Variants in PTPRQ observed in about 807,000 individuals in gnomAD.
PTPRQ encodes phosphatidylinositol phosphatase PTPRQ.
A neutral mutation model predicts 246.0 loss-of-function variants in PTPRQ; 199 were observed. The observed-to-expected ratio is 0.81, with a 90% CI of 0.72 to 0.91. PTPRQ has a LOEUF of 0.91. Among genes scored for constraint, PTPRQ ranks in the 40% least tolerant of loss-of-function variants. PTPRQ has a pLI of 0.00. For missense variants in PTPRQ, 2,624 were observed against 2,528.4 expected (o/e 1.04, Z -0.81); for synonymous variants, 869 against 853.2 (o/e 1.02, Z -0.32).
At chr12:80,659,812 T>C (rs528765862) in intron 39 of PTPRQ, among the ~76,000 whole-genome samples, 1 of 152,166 alleles carries the variant, frequency 6.6e-6, no homozygotes, top group Non-Finnish European at 1.5e-5. Context: ...TGTAATGATA[T>C]GCATAATCAT....
chr12:80,560,646 CACAT>C (rs1181658769), intron 25 of PTPRQ, among the ~76,000 whole-genome samples: 1 of 152,146 alleles, frequency 6.6e-6, no homozygotes, highest in African/African-American at 2.4e-5. Context: ...GTTTAAGATA[CACAT>C]ACATACAACA....
intron 32 of PTPRQ, 43 bp downstream of exon 32, chr12:80,620,419 A>G: frequency 6.5e-7 from 1 of 1,542,262 alleles, no homozygotes; most frequent in Non-Finnish European, 8.7e-7. Flanking sequence ...TTAGCAAGCT[A>G]GTTAGTATCT....
chr12:80,571,840 G>A (rs1592669501), intron 25 of PTPRQ, among the ~76,000 whole-genome samples: 1 of 151,804 alleles, frequency 6.6e-6, no homozygotes, highest in Non-Finnish European at 1.5e-5. Flanking sequence ...CTATGTGCTT[G>A]AATTTATTTC....
At chr12:80,572,970 A>G (rs1041176371) in intron 25 of PTPRQ, among the ~76,000 whole-genome samples, 5 of 152,268 alleles carry the variant, frequency 3.3e-5, no homozygotes, top group East Asian at 1.9e-4. Flanking sequence ...TTCTTTTATT[A>G]TAACATTTTT....
intron 25 of PTPRQ, among the ~76,000 whole-genome samples, chr12:80,580,657 AT>A (rs1897405284): frequency 6.6e-6 from 1 of 152,156 alleles, no homozygotes; most frequent in Non-Finnish European, 1.5e-5. Flanking sequence ...TATACCATAT[AT>A]TTCACCTCAG....
Position 80,542,164 on chromosome 12 carries a change from C to G in PTPRQ, c.3521C>G (p.Pro1174Arg). 1 of 1,551,022 alleles carries G rather than the reference C, an allele frequency of 6.4e-7. No individual in the cohort carries two copies. Among genetic ancestry groups the G allele is most frequent in the Non-Finnish European group, 8.7e-7 (1 of 1,146,652 alleles). ...STSVLLSWDP[P>R]VKPNGAIISY... ...TCAGTTCTCTTATCATGGGATCCCC[C>G]AGTAAAGCCAAATGGTGCAATAATA... is the stretch of plus-strand genomic sequence containing the variant. The change falls in exon 22 of 45, where the codon CCA becomes CGA. Residue 1174 changes from proline to arginine, a missense_variant. By Grantham distance (103) the Pro-to-Arg change is moderately radical. Coordinates refer to ENST00000644991, the MANE Select transcript of PTPRQ (RefSeq NM_001145026.2).
At position 80,496,596 on chromosome 12, in the gene PTPRQ, C is replaced by T. The variant is rs142862117; in HGVS notation, c.2272+65C>T. On this transcript the variant is annotated intron_variant, in intron 14 of 44. Transcript: ENST00000644991. ...TGATATAGTAAGCAAAGCTGATAAT[C>T]GCCATGTTGTTTACATTTTACATAA... 1.8e-4 allele frequency: 264 copies of T among 1,473,230 alleles called. No homozygotes were observed. The Middle Eastern group carries it at 2.3e-3, about 13-fold the overall frequency. The allele number at this position is 1,473,230 out of a possible 1,614,324, so 91.3% of individuals were successfully genotyped here. A position where few individuals can be genotyped will look rare whatever the true frequency, so the allele number is the denominator to read the frequency against.
At chr12:80,536,208 T>C (rs1895984235) in intron 19 of PTPRQ, among the ~76,000 whole-genome samples, 1 of 152,262 alleles carries the variant, frequency 6.6e-6, no homozygotes, top group Non-Finnish European at 1.5e-5. Context: ...TCTTAGGTGA[T>C]TCTTAATTAT....
intron 8 of PTPRQ, among the ~76,000 whole-genome samples, chr12:80,480,537 A>T (rs4536294): frequency 0.89 from 125,676 of 141,048 alleles, 56,601 homozygotes; most frequent in Non-Finnish European, 0.93. Context: ...GCAGAACTGA[A>T]GGAAACAGAG....
chr12:80,525,987 A>T (rs529721637), intron 17 of PTPRQ: 1 of 152,160 alleles, frequency 6.6e-6, no homozygotes, highest in South Asian at 2.1e-4. Flanking sequence ...TGCCTGAAAC[A>T]CAGTAAGTAT....
intron 17 of PTPRQ, among the ~76,000 whole-genome samples, chr12:80,529,117 T>G (rs1895773409): frequency 6.6e-6 from 1 of 152,184 alleles, no homozygotes; most frequent in South Asian, 2.1e-4. Context: ...ATCACTAGCC[T>G]ACTGATGCTA....
intron 28 of PTPRQ, 99 bp from the exon 29 acceptor site, chr12:80,613,493 A>C (rs1898632073): frequency 4.8e-6 from 6 of 1,241,500 alleles, no homozygotes; most frequent in Non-Finnish European, 5.5e-6. Context: ...AATTTGTGGA[A>C]TACTCTTTAA....
chr12:80,633,033 G>T (rs935036746), intron 34 of PTPRQ, among the ~76,000 whole-genome samples: 3 of 152,094 alleles, frequency 2.0e-5, no homozygotes, highest in African/African-American at 7.2e-5. Context: ...TGCCTCTCAG[G>T]GTCACTCTAG....
intron 6 of PTPRQ, among the ~76,000 whole-genome samples, chr12:80,467,885 T>A (rs1268704265): frequency 6.6e-6 from 1 of 152,110 alleles, no homozygotes. Flanking sequence ...GAGGTATAGC[T>A]TTAGGAGTTA....
intron 36 of PTPRQ, among the ~76,000 whole-genome samples, chr12:80,649,305 C>G (rs1900178217): frequency 1.3e-5 from 2 of 151,940 alleles, no homozygotes; most frequent in African/African-American, 4.8e-5. Flanking sequence ...AACTTCATGC[C>G]CTTACATTTA....
At chr12:80,474,943 T>G (rs1399872778) in intron 8 of PTPRQ, among the ~76,000 whole-genome samples, 2 of 152,202 alleles carry the variant, frequency 1.3e-5, no homozygotes, top group Non-Finnish European at 2.9e-5. Context: ...TAGTAAAATC[T>G]TTGCAGGAAA....
intron 16 of PTPRQ, among the ~76,000 whole-genome samples, chr12:80,508,377 C>T (rs989650366): frequency 1.3e-5 from 2 of 151,902 alleles, no homozygotes; most frequent in Non-Finnish European, 2.9e-5. Context: ...AAATGTTCCC[C>T]CAAATTATTC....
intron 19 of PTPRQ, 122 bp downstream of exon 19, chr12:80,535,159 A>C: frequency 1.0e-6 from 1 of 989,134 alleles, no homozygotes; most frequent in Non-Finnish European, 1.4e-6. Flanking sequence ...GATGTATTTT[A>C]TAAAACTCCC....
chr12:80,672,518 T>C (rs1414552512), intron 42 of PTPRQ, among the ~76,000 whole-genome samples: 1 of 151,992 alleles, frequency 6.6e-6, no homozygotes, highest in Non-Finnish European at 1.5e-5. Context: ...AACCATTTAA[T>C]TTCCTAGGAA....
Sources: allele counts gnomAD v4.1 joint callset (sites outside exome capture counted in the v4.1 genomes callset), GRCh38; gene constraint gnomAD v4.1.1; transcripts MANE v1.5; gene names NCBI Gene and HGNC (gene_info 2026-07-23, HGNC 2026-07-21).